The following CCDC148 variants were observed in gnomAD, a reference collection of about 807,000 sequenced individuals.
CCDC148 encodes the protein coiled-coil domain-containing protein 148.
CCDC148 carries 89 observed loss-of-function variants against 85.7 expected under a neutral mutation model. The observed-to-expected ratio is 1.04, with a 90% confidence interval of 0.87 to 1.24. The LOEUF (loss-of-function observed/expected upper bound fraction) is 1.24, where lower values mean the gene tolerates loss of function less well. Among genes scored for constraint, CCDC148 ranks in the 50% most tolerant of loss-of-function variants. CCDC148 has a pLI of 0.00. For synonymous variants in CCDC148, 230 were observed against 213.9 expected (o/e 1.08, Z -0.66); for missense variants, 692 against 671.7 (o/e 1.03, Z -0.33).
At chr2:158,425,195 T>C (rs917825301) in intron 1 of CCDC148, 2 of 532,130 alleles carry the variant, frequency 3.8e-6, no homozygotes, top group African/African-American at 1.9e-5. Flanking sequence ...GGTATAACTA[T>C]AGGAACCATG....
intron 11 of CCDC148, among the ~76,000 whole-genome samples, chr2:158,187,608 G>A (rs1300560614): frequency 2.0e-5 from 3 of 151,862 alleles, no homozygotes; most frequent in African/African-American, 7.3e-5. Flanking sequence ...GTCTTTCAGA[G>A]CTCCTTCAAT....
chr2:158,302,447 T>C (rs1691488018), intron 9 of CCDC148, among the ~76,000 whole-genome samples: 1 of 152,062 alleles, frequency 6.6e-6, no homozygotes, highest in African/African-American at 2.4e-5. Flanking sequence ...TCTTCCCCTT[T>C]GGCCACCAGG....
intron 9 of CCDC148, among the ~76,000 whole-genome samples, chr2:158,266,695 C>A (rs1284421914): frequency 1.3e-5 from 2 of 151,992 alleles, no homozygotes; most frequent in African/African-American, 2.4e-5. Flanking sequence ...AGCTTAGCTC[C>A]CACTTACGTG....
In CCDC148 at chr2:158,228,970, A is replaced by C. The variant is rs1458128196; in HGVS notation, c.1252-8257T>G. ...AACTTAAAGTATAATAACAAAACAA[A>C]AAAAAAAAGAAAATGAAAGAAAAAA... On this transcript the variant is annotated intron_variant, in intron 10 of 13. Transcript: ENST00000283233. Among the ~76,000 whole-genome samples, 13 of 85,556 alleles carry C rather than the reference A, an allele frequency of 1.5e-4. No homozygotes were observed. The South Asian group carries it at 2.5e-3, about 17-fold the overall frequency. The allele number at this position is 85,556 out of a possible 152,430, so 56.1% of individuals were successfully genotyped here. A position where few individuals can be genotyped will look rare whatever the true frequency, so the allele number is the denominator to read the frequency against.
intron 10 of CCDC148, among the ~76,000 whole-genome samples, chr2:158,249,948 T>C (rs972283171): frequency 6.6e-6 from 1 of 152,124 alleles, no homozygotes. Context: ...AACAGGTGTA[T>C]AGGTTAAAGA....
intron 10 of CCDC148, among the ~76,000 whole-genome samples, chr2:158,224,729 T>A (rs1687401050): frequency 6.6e-6 from 1 of 152,114 alleles, no homozygotes; most frequent in Non-Finnish European, 1.5e-5. Context: ...GGAGAAATAA[T>A]ATATTTTACA....
At chr2:158,399,753 T>C (rs987979195) in intron 1 of CCDC148, among the ~76,000 whole-genome samples, 2 of 152,080 alleles carry the variant, frequency 1.3e-5, no homozygotes, top group African/African-American at 4.8e-5. Flanking sequence ...CTATTCAACA[T>C]AGTATTGGAA....
chr2:158,205,422 A>G (rs1686188887), intron 11 of CCDC148, among the ~76,000 whole-genome samples: 1 of 152,172 alleles, frequency 6.6e-6, no homozygotes, highest in Non-Finnish European at 1.5e-5. Context: ...CCATATGGCA[A>G]AGCCCCAGAC....
intron 1 of CCDC148, among the ~76,000 whole-genome samples, chr2:158,389,593 C>A (rs1464519039): frequency 6.6e-6 from 1 of 152,172 alleles, no homozygotes; most frequent in Non-Finnish European, 1.5e-5. Context: ...ATTTTAAAAT[C>A]ATTTCACCAT....
chr2:158,424,102 CT>C (rs1047485603), intron 1 of CCDC148, among the ~76,000 whole-genome samples: 4 of 152,154 alleles, frequency 2.6e-5, no homozygotes, highest in African/African-American at 7.2e-5. Flanking sequence ...AATAGGAACA[CT>C]TTTATACTGT....
At chr2:158,451,518 A>C (rs1372005250) in intron 1 of CCDC148, among the ~76,000 whole-genome samples, 3 of 152,144 alleles carry the variant, frequency 2.0e-5, no homozygotes, top group Non-Finnish European at 4.4e-5. Flanking sequence ...CTGATTCCTA[A>C]AATGTATAAT....
intron 9 of CCDC148, among the ~76,000 whole-genome samples, chr2:158,271,240 C>T (rs1689686200): frequency 6.6e-6 from 1 of 152,138 alleles, no homozygotes; most frequent in Non-Finnish European, 1.5e-5. Flanking sequence ...TAATTCACCA[C>T]TAAATGAATA....
chr2:158,379,758 G>T (rs1684795280), intron 1 of CCDC148, among the ~76,000 whole-genome samples: 1 of 152,112 alleles, frequency 6.6e-6, no homozygotes, highest in East Asian at 1.9e-4. Flanking sequence ...AGCACTAAAG[G>T]ATTTTGAAAT....
chr2:158,437,818 T>C (rs1429695901), intron 1 of CCDC148, among the ~76,000 whole-genome samples: 6 of 152,352 alleles, frequency 3.9e-5, no homozygotes, highest in African/African-American at 1.4e-4. Flanking sequence ...AGCACAAGCA[T>C]TCTTATGTAC....
At chr2:158,225,471 G>C (rs188662023) in intron 10 of CCDC148, among the ~76,000 whole-genome samples, 3,391 of 152,190 alleles carry the variant, frequency 0.022, 49 homozygotes, top group East Asian at 0.067. Flanking sequence ...GACATCTACA[G>C]AACTCTCCAC....
chr2:158,255,644 G>A (rs948342420), intron 9 of CCDC148, among the ~76,000 whole-genome samples: 1 of 151,752 alleles, frequency 6.6e-6, no homozygotes, highest in Non-Finnish European at 1.5e-5. Flanking sequence ...AGTGAACAGT[G>A]AGCAAAAGGA....
chr2:158,298,729 C>A (rs1691310327), intron 9 of CCDC148, among the ~76,000 whole-genome samples: 1 of 152,054 alleles, frequency 6.6e-6, no homozygotes, highest in African/African-American at 2.4e-5. Flanking sequence ...TTTATATATG[C>A]AAATTCTCTA....
intron 9 of CCDC148, among the ~76,000 whole-genome samples, chr2:158,269,991 C>T (rs983111376): frequency 1.3e-5 from 2 of 152,102 alleles, no homozygotes; most frequent in African/African-American, 4.8e-5. Context: ...CACAAGTATG[C>T]ATTTTTTCCT....
chr2:158,292,531 G>T (rs1357487957), intron 9 of CCDC148, among the ~76,000 whole-genome samples: 1 of 152,098 alleles, frequency 6.6e-6, no homozygotes, highest in Non-Finnish European at 1.5e-5. Flanking sequence ...CTTGATAAAA[G>T]CTTTCCTGTG....
Sources: gnomAD v4.1 joint callset for allele counts (sites outside exome capture counted in the v4.1 genomes callset) on GRCh38, gnomAD v4.1.1 for gene constraint, MANE v1.5 for transcripts, NCBI Gene and HGNC (gene_info 2026-07-23, HGNC 2026-07-21) for gene names.